The following FUBP3 variants were observed in gnomAD, a reference collection of about 807,000 sequenced individuals.
FUBP3 encodes the protein far upstream element binding protein 3.
FUBP3 carries 28 observed loss-of-function variants against 85.6 expected under a neutral mutation model. The observed-to-expected ratio is 0.33, with a 90% CI of 0.24 to 0.45. The LOEUF is 0.45. Ranked by LOEUF, FUBP3 falls within the 20% of genes least tolerant of loss-of-function variation. The probability of loss-of-function intolerance (pLI) is 1.00; values close to 1 mark genes in which losing one functional copy is unlikely to be tolerated. For synonymous variants in FUBP3, 271 were observed against 271.4 expected (o/e 1.00, Z 0.01); for missense variants, 583 against 755.1 (o/e 0.77, Z 2.67).
chr9:130,624,268 C>A (rs1829873773), intron 11 of FUBP3, among the ~76,000 whole-genome samples: 2 of 152,228 alleles, frequency 1.3e-5, no homozygotes, highest in Admixed American at 1.3e-4. Context: ...AGTCATGTGA[C>A]CTTGGAGCTG....
At chr9:130,602,638 A>T (rs1386465464) in intron 2 of FUBP3, among the ~76,000 whole-genome samples, 1 of 152,122 alleles carries the variant, frequency 6.6e-6, no homozygotes, top group Non-Finnish European at 1.5e-5. Flanking sequence ...ATGATGACAG[A>T]TATTGGAGGG....
At position 130,623,662 on chromosome 9, in the gene FUBP3, G is replaced by A. The variant is rs754103885; in HGVS notation, c.926G>A (p.Arg309Gln). 6.3e-5 allele frequency: 101 copies of A among 1,613,844 alleles called. No homozygotes were observed. Among genetic ancestry groups the A allele is most frequent in the African/African-American group, 6.7e-5 (5 of 74,914 alleles). The change falls in exon 11 of 19, where the codon CGG becomes CAG. Residue 309 changes from arginine to glutamine, a missense_variant. Arg to Gln is a conservative substitution (Grantham distance 43). This residue lies in a region of FUBP3 where 404 missense variants were observed against 516.8 expected (regional missense o/e 0.78). Coordinates refer to ENST00000319725, the MANE Select transcript of FUBP3 (RefSeq NM_003934.2). Reference sequence around the variant, plus strand: ...GCCCAGGTCATGGGCCCTCCGGATCGGTGTCAGCATGCAGCGCATATCATC... The same window carrying A: ...GCCCAGGTCATGGGCCCTCCGGATCAGTGTCAGCATGCAGCGCATATCATC... ...RAAQVMGPPD[R>Q]CQHAAHIISE...
At chr9:130,622,840 G>T (rs1564216996) in intron 10 of FUBP3, 30 bp downstream of exon 10, 34 of 948,894 alleles carry the variant, frequency 3.6e-5, no homozygotes, top group Middle Eastern at 2.3e-4. Flanking sequence ...AATCCTTAGT[G>T]TTAAAAAAAA....
At chr9:130,629,862 G>A (rs1007431190) in intron 12 of FUBP3, among the ~76,000 whole-genome samples, 3 of 152,244 alleles carry the variant, frequency 2.0e-5, no homozygotes, top group African/African-American at 7.2e-5. Context: ...GTTGAGCAGA[G>A]CAGATCCGCA....
intron 2 of FUBP3, among the ~76,000 whole-genome samples, chr9:130,598,770 A>G (rs1224668066): frequency 6.6e-6 from 1 of 152,208 alleles, no homozygotes; most frequent in African/African-American, 2.4e-5. Context: ...GAATTTTTAC[A>G]ATCAAGTGAG....
rs1370470833 is a variant in FUBP3, at chr9:130,632,119, G to A, written c.1434-83G>A. 3 of 1,446,490 alleles carry A rather than the reference G, an allele frequency of 2.1e-6. No homozygotes were observed. The Admixed American group carries it at 5.0e-5, about 24-fold the overall frequency. 89.6% of individuals were successfully genotyped at this position (1,446,490 alleles called of 1,614,324 possible). A position where few individuals can be genotyped will look rare whatever the true frequency, so the allele number is the denominator to read the frequency against. On this transcript the variant is annotated intron_variant, in intron 15 of 18. Transcript: ENST00000319725. ...AAGGGTCCGGTGATGCTTGGCTGGGGTGAGGGAGGTGAGCAGTGAAGAGGG... is the reference window on the plus strand; with the variant it reads ...AAGGGTCCGGTGATGCTTGGCTGGGATGAGGGAGGTGAGCAGTGAAGAGGG...
intron 2 of FUBP3, among the ~76,000 whole-genome samples, chr9:130,606,623 C>T (rs1189870621): frequency 6.6e-6 from 1 of 152,012 alleles, no homozygotes; most frequent in Non-Finnish European, 1.5e-5. Context: ...GAGTTCGAGA[C>T]CAGCCTGACC....
intron 12 of FUBP3, among the ~76,000 whole-genome samples, chr9:130,627,322 G>A (rs1408564799): frequency 6.6e-6 from 1 of 152,232 alleles, no homozygotes; most frequent in Non-Finnish European, 1.5e-5. Context: ...TTTCGTATTT[G>A]CCTTCATTAG....
rs554807710 is a variant in FUBP3, at chr9:130,619,468, G to A, written c.667-886G>A. Among the ~76,000 whole-genome samples, 6 of 152,220 alleles carry A rather than the reference G, an allele frequency of 3.9e-5. No individual in the cohort carries two copies. In the South Asian group the frequency reaches 1.2e-3, roughly 32 times the overall value. On this transcript the variant is annotated intron_variant, in intron 8 of 18. Coordinates refer to ENST00000319725, the MANE Select transcript of FUBP3 (RefSeq NM_003934.2). ...ACACTACCCCTAAATCCTTAAGCAT[G>A]TGTCTCCTAAGAATAACCAGGCCTA...
rs1831801696 is a variant in FUBP3, at chr9:130,612,603, A to C, written c.274+98A>C. 2.5e-6 allele frequency: 2 copies of C among 814,536 alleles called. No individual in the cohort carries two copies. The highest frequency in any genetic ancestry group is 2.1e-6 in the Non-Finnish European group (1 of 473,220). The allele number at this position is 814,536 out of a possible 1,614,324, so 50.5% of individuals were successfully genotyped here. A position where few individuals can be genotyped will look rare whatever the true frequency, so the allele number is the denominator to read the frequency against. On this transcript the variant is annotated intron_variant, in intron 4 of 18. Coordinates refer to ENST00000319725, the MANE Select transcript of FUBP3 (RefSeq NM_003934.2). The surrounding 1 kb of genome is among the most constrained non-coding windows in gnomAD (Gnocchi z 4.1). ...TTGCCAGGATGTTCTTTTTGTTTTA[A>C]TCTCTCTTGTGAGTATCACCTGTAG...
intron 2 of FUBP3, among the ~76,000 whole-genome samples, chr9:130,608,344 A>G (rs1365724483): frequency 6.6e-6 from 1 of 152,256 alleles, no homozygotes; most frequent in Non-Finnish European, 1.5e-5. Context: ...GATAGCAATC[A>G]GGGAAGCTGA....
chr9:130,637,048 C>G lies in FUBP3; in HGVS notation c.*26C>G. On this transcript the variant is annotated 3_prime_UTR_variant, in exon 19 of 19. Transcript: ENST00000319725. The stretch of plus-strand genomic sequence containing the variant: ...GACAGCGTCCTCGTGGCCAACTCTC[C>G]CCTCAAAATCATTGTCAAAGAAAAC... 1 of 1,597,970 alleles carries G rather than the reference C, an allele frequency of 6.3e-7. No individual in the cohort carries two copies.
At chr9:130,630,356 C>T (rs1439646396) in intron 12 of FUBP3, among the ~76,000 whole-genome samples, 1 of 152,228 alleles carries the variant, frequency 6.6e-6, no homozygotes, top group African/African-American at 2.4e-5. Flanking sequence ...CACTCACGAC[C>T]TTCACATGGA....
chr9:130,623,459 C>T, intron 10 of FUBP3, 152 bp from the exon 11 acceptor site: 1 of 596,530 alleles, frequency 1.7e-6, no homozygotes, highest in Non-Finnish European at 3.0e-6. Context: ...TCCTATCACC[C>T]ACATCACTCC....
intron 2 of FUBP3, chr9:130,596,676 C>T (rs747568200): frequency 1.3e-5 from 6 of 454,166 alleles, no homozygotes; most frequent in South Asian, 9.7e-5. Flanking sequence ...GTTTTTAAAT[C>T]CTCCAGTTCA....
chr9:130,636,524 A>C (rs1830427229), intron 18 of FUBP3, among the ~76,000 whole-genome samples: 1 of 152,252 alleles, frequency 6.6e-6, no homozygotes, highest in South Asian at 2.1e-4. Context: ...CCAGGCCGTC[A>C]GCCATGCCCG....
chr9:130,586,271 A>G (rs1204562444), intron 1 of FUBP3, among the ~76,000 whole-genome samples: 1 of 152,272 alleles, frequency 6.6e-6, no homozygotes, highest in Non-Finnish European at 1.5e-5. Flanking sequence ...GCTGAGTCCA[A>G]GGCCCCTTGC....
intron 12 of FUBP3, among the ~76,000 whole-genome samples, chr9:130,627,803 A>G (rs567018184): frequency 6.6e-6 from 1 of 152,176 alleles, no homozygotes; most frequent in African/African-American, 2.4e-5. Context: ...TTTGCAAACT[A>G]TTTTGTCGGC....
chr9:130,622,059 G>A (rs1035113054), intron 9 of FUBP3, among the ~76,000 whole-genome samples: 2 of 151,016 alleles, frequency 1.3e-5, no homozygotes, highest in African/African-American at 2.4e-5. Context: ...GTGGTGGCTC[G>A]CGCCCATAAT....
Sources: allele counts gnomAD v4.1 joint callset (sites outside exome capture counted in the v4.1 genomes callset), GRCh38; gene constraint gnomAD v4.1.1; regional missense constraint gnomAD v4.1.1; non-coding constraint Gnocchi (gnomAD v3.1); transcripts MANE v1.5; gene names NCBI Gene and HGNC (gene_info 2026-07-23, HGNC 2026-07-21).